XRN1: variants seen among roughly 807,000 people sequenced by gnomAD.
The protein encoded by XRN1 is strand-exchange protein 1 homolog.
In XRN1, 67 loss-of-function variants were observed where a neutral mutation model predicts 222.3. The ratio of observed to expected loss-of-function variants is 0.30; its 90% CI spans 0.25 to 0.37. The LOEUF is 0.37. Ranked by LOEUF, XRN1 falls within the 10% of genes least tolerant of loss-of-function variation. XRN1 has a pLI of 1.00. For synonymous variants in XRN1, 643 were observed against 652.4 expected (o/e 0.99, Z 0.22); for missense variants, 1,707 against 2,000.2 (o/e 0.85, Z 2.80).
At position 142,434,870 on chromosome 3, in the gene XRN1, G is replaced by A. The variant is rs138223849; in HGVS notation, c.76-1977C>T. On this transcript the variant is annotated intron_variant, in intron 1 of 40. Coordinates refer to ENST00000392981, the MANE Select transcript of XRN1 (RefSeq NM_001282857.2). ...TATAAAAAATAAAACTCCATCTTACGCTAAAACAAAAGAAATTCCAGAAGG... is the reference window on the plus strand; with the variant it reads ...TATAAAAAATAAAACTCCATCTTACACTAAAACAAAAGAAATTCCAGAAGG... 5.3e-5 allele frequency: 8 copies of A among 152,010 alleles called. No homozygotes were observed. The East Asian group carries it at 1.2e-3, about 22-fold the overall frequency. 9.4% of individuals were successfully genotyped at this position (152,010 alleles called of 1,614,324 possible).
At chr3:142,359,958 A>G in intron 29 of XRN1, 27 bp from the exon 30 acceptor site, 1 of 1,501,290 alleles carries the variant, frequency 6.7e-7, no homozygotes, top group Non-Finnish European at 9.1e-7. Context: ...AGAAAAAGAG[A>G]CACTAAAAAA....
chr3:142,414,117 T>C lies in XRN1; in HGVS notation c.1593+18A>G. 6.3e-7 allele frequency: 1 copy of C among 1,583,830 alleles called. No homozygotes were observed. Among genetic ancestry groups the C allele is most frequent in the African/African-American group, 1.4e-5 (1 of 73,574 alleles). On this transcript the variant is annotated intron_variant, in intron 14 of 40. Coordinates refer to ENST00000392981, the MANE Select transcript of XRN1 (RefSeq NM_001282857.2). ...AAATATCAAAAAGGACATAAAAACA[T>C]TCAATTCTAAGACCCACCTGGTAGC...
At chr3:142,331,196 C>T (rs2065686675) in intron 36 of XRN1, among the ~76,000 whole-genome samples, 1 of 152,150 alleles carries the variant, frequency 6.6e-6, no homozygotes, top group Non-Finnish European at 1.5e-5. Flanking sequence ...AACTTCTGCC[C>T]ACATCCACTT....
intron 10 of XRN1, among the ~76,000 whole-genome samples, chr3:142,419,427 G>C (rs2068915202): frequency 6.6e-6 from 1 of 152,184 alleles, no homozygotes; most frequent in African/African-American, 2.4e-5. Context: ...GACTACACTA[G>C]AGAAAACAAG....
chr3:142,369,034 A>G (rs2066902920), intron 27 of XRN1, among the ~76,000 whole-genome samples: 1 of 152,184 alleles, frequency 6.6e-6, no homozygotes, highest in Admixed American at 6.5e-5. Context: ...GCCTAAGGTT[A>G]TTAATATTGA....
rs530601698 is a variant in XRN1 at position 142,448,019 on chromosome 3, C to A, written c.-75G>T. 1 of 1,501,716 alleles carries A rather than the reference C, an allele frequency of 6.7e-7. No homozygotes were observed. The highest frequency in any genetic ancestry group is 1.4e-5 in the African/African-American group (1 of 72,240). The allele number at this position is 1,501,716 out of a possible 1,614,324, so 93.0% of individuals were successfully genotyped here. A position where few individuals can be genotyped will look rare whatever the true frequency, so the allele number is the denominator to read the frequency against. ...CCCGCCGGGGCTCCGCCGCAGCCTC[C>A]GGTCGTCGCTCCGCGGATGACAACA... On this transcript the variant is annotated 5_prime_UTR_variant, in exon 1 of 41. Transcript: ENST00000392981.
rs2065018892 is a variant in XRN1 at position 142,308,702 on chromosome 3, A to G, written c.*2809T>C. On this transcript the variant is annotated 3_prime_UTR_variant, in exon 41 of 41. Coordinates refer to ENST00000392981, the MANE Select transcript of XRN1 (RefSeq NM_001282857.2). ...AAAATTCACTTAAGTTGCTCAAAAAAGAAAAAACTTATTGAATAGAAATAT... is the reference window on the plus strand; with the variant it reads ...AAAATTCACTTAAGTTGCTCAAAAAGGAAAAAACTTATTGAATAGAAATAT... 1 of 152,224 alleles carries G rather than the reference A, an allele frequency of 6.6e-6. No individual in the cohort carries two copies. The highest frequency in any genetic ancestry group is 2.1e-4 in the South Asian group (1 of 4,834). 9.4% of individuals were successfully genotyped at this position (152,224 alleles called of 1,614,324 possible).
At chr3:142,359,252 CT>C (rs1296569844) in intron 30 of XRN1, among the ~76,000 whole-genome samples, 1 of 152,096 alleles carries the variant, frequency 6.6e-6, no homozygotes, top group Non-Finnish European at 1.5e-5. Context: ...TAACTTTCTC[CT>C]TTCCTTTATA....
intron 27 of XRN1, among the ~76,000 whole-genome samples, chr3:142,368,923 A>T (rs1185056289): frequency 6.6e-6 from 1 of 152,204 alleles, no homozygotes; most frequent in Admixed American, 6.5e-5. Flanking sequence ...ACGCAATATT[A>T]ACTCAGTTTA....
intron 20 of XRN1, among the ~76,000 whole-genome samples, chr3:142,385,875 A>G (rs1300143575): frequency 1.3e-5 from 2 of 152,096 alleles, no homozygotes; most frequent in East Asian, 3.9e-4. Flanking sequence ...ATTACTACTC[A>G]GTCCATCTAC....
intron 20 of XRN1, among the ~76,000 whole-genome samples, chr3:142,386,758 C>T (rs2067518056): frequency 6.6e-6 from 1 of 152,060 alleles, no homozygotes; most frequent in African/African-American, 2.4e-5. Context: ...TTTTATTAGT[C>T]ATCAGGGAAA....
rs148872175 is a variant in XRN1 at position 142,438,206 on chromosome 3, C to A, written c.76-5313G>T. 6.6e-5 allele frequency among the ~76,000 whole-genome samples: 10 copies of A among 152,216 alleles called. No homozygotes were observed. In the East Asian group the frequency reaches 1.9e-3, roughly 29 times the overall value. ...CCCCTTTCTTTGTGGTCAAGAAAGGCGGGAAAACAGGTGCAGGACTGCTAC... is the reference window on the plus strand; with the variant it reads ...CCCCTTTCTTTGTGGTCAAGAAAGGAGGGAAAACAGGTGCAGGACTGCTAC... On this transcript the variant is annotated intron_variant, in intron 1 of 40. Coordinates refer to ENST00000392981, the MANE Select transcript of XRN1 (RefSeq NM_001282857.2).
chr3:142,433,003 C>A, intron 1 of XRN1, 110 bp from the exon 2 acceptor site: 1 of 801,090 alleles, frequency 1.2e-6, no homozygotes, highest in Non-Finnish European at 1.9e-6. Context: ...TTTGTGTATT[C>A]TATTATACAA....
chr3:142,418,435 C>A (rs893196420), intron 12 of XRN1, 69 bp downstream of exon 12: 11 of 1,280,016 alleles, frequency 8.6e-6, no homozygotes, highest in Non-Finnish European at 1.2e-5. Context: ...TCATCAAAAT[C>A]ATATTTTCTG....
chr3:142,346,993 TGCC>T (rs1321284203), intron 33 of XRN1, among the ~76,000 whole-genome samples: 1 of 152,240 alleles, frequency 6.6e-6, no homozygotes, highest in African/African-American at 2.4e-5. Flanking sequence ...AACTATGGGT[TGCC>T]AAGGCCTGGA....
chr3:142,406,278 T>C (rs2068333711), intron 15 of XRN1, among the ~76,000 whole-genome samples: 1 of 152,228 alleles, frequency 6.6e-6, no homozygotes, highest in Non-Finnish European at 1.5e-5. Flanking sequence ...CAATAAATGG[T>C]GTTGGGACAA....
chr3:142,332,284 A>T, intron 36 of XRN1, 91 bp downstream of exon 36: 2 of 986,984 alleles, frequency 2.0e-6, no homozygotes, highest in Non-Finnish European at 2.9e-6. Flanking sequence ...AAATAAAAGC[A>T]GTTTTATCTT....
intron 20 of XRN1, among the ~76,000 whole-genome samples, chr3:142,392,867 A>G (rs1347610674): frequency 2.0e-5 from 3 of 151,260 alleles, no homozygotes; most frequent in Admixed American, 6.6e-5. Context: ...GTCAAATGGT[A>G]TTTCCAGTTC....
chr3:142,443,345 C>T (rs575655388), intron 1 of XRN1, among the ~76,000 whole-genome samples: 2 of 152,276 alleles, frequency 1.3e-5, no homozygotes, highest in African/African-American at 4.8e-5. Flanking sequence ...ACAGGACTAG[C>T]TACATTTCCT....
Sources: allele counts gnomAD v4.1 joint callset (sites outside exome capture counted in the v4.1 genomes callset), GRCh38; gene constraint gnomAD v4.1.1; transcripts MANE v1.5; gene names NCBI Gene and HGNC (gene_info 2026-07-23, HGNC 2026-07-21).